Variants in SGCA observed in about 807,000 individuals in gnomAD.
SGCA encodes the protein sarcoglycan alpha, also known as alpha-sarcoglycan.
A neutral mutation model predicts 38.1 loss-of-function variants in SGCA; 34 were observed. That is an observed-to-expected ratio of 0.89 (90% CI 0.68 to 1.19). SGCA has a LOEUF of 1.19. Among genes scored for constraint, SGCA ranks in the 50% most tolerant of loss-of-function variants. The pLI is 0.00. For missense variants in SGCA, 476 were observed against 524.9 expected, an observed-to-expected ratio of 0.91 and a Z score of 0.91; for synonymous variants, 209 against 214.6, an observed-to-expected ratio of 0.97 and a Z score of 0.23.
chr17:50,172,419 A>C, intron 8 of SGCA: 1 of 414,018 alleles, frequency 2.4e-6, no homozygotes, highest in Non-Finnish European at 5.0e-6. Flanking sequence ...TGGGCCAGAC[A>C]GCGGGCCTGC....
rs1567737029 is a variant in SGCA, at chr17:50,166,018, CG to C, written c.-20del. On this transcript the variant is annotated 5_prime_UTR_variant, in exon 1 of 10. Transcript: ENST00000262018. ...CCTGCCCCCTGTCTCTGTCACTCAC[CG>C]GGCGGGCCAGGCCGGGCAGCCATGG... The C allele has an allele frequency of 1.2e-6, 2 of 1,609,794 alleles. No homozygotes were observed. The highest frequency in any genetic ancestry group is 1.1e-5 in the South Asian group (1 of 90,972).
Position 50,169,142 on chromosome 17 carries a change from T to A in SGCA, c.635T>A (p.Met212Lys), listed in dbSNP as rs2144498202. 6.2e-7 allele frequency: 1 copy of A among 1,614,000 alleles called. No homozygotes were observed. Among genetic ancestry groups the A allele is most frequent in the Non-Finnish European group, 8.5e-7 (1 of 1,179,990 alleles). ...SASPFSTCLK[M>K]VASPDSHARC... ...TCACCTTTTTCTACTTGCCTGAAGA[T>A]GGTGGCATCCCCCGATAGCCACGCC... The change falls in exon 6 of 10, where the codon ATG becomes AAG. Residue 212 changes from methionine (M) to lysine (K), a missense_variant. Met to Lys is a moderately conservative substitution (Grantham distance 95). Coordinates refer to ENST00000262018, the MANE Select transcript of SGCA (RefSeq NM_000023.4).
At chr17:50,169,020 CA>C (rs1433189533) in intron 5 of SGCA, 71 bp from the exon 6 acceptor site, 1 of 1,443,574 alleles carries the variant, frequency 6.9e-7, no homozygotes, top group Non-Finnish European at 9.7e-7. Flanking sequence ...AAAGTTTCAA[CA>C]ACCCCTGGCA....
In SGCA at chr17:50,169,336, T is replaced by C. The variant is rs551873219; in HGVS notation, c.747+82T>C. ...CCCTTCCCTCCCATGCTGCTTCCTA[T>C]CTCCGTCTCTCTGATTGCTCCAGTC... On this transcript the variant is annotated intron_variant, in intron 6 of 9. Coordinates refer to ENST00000262018, the MANE Select transcript of SGCA (RefSeq NM_000023.4). 4 of 1,211,892 alleles carry C rather than the reference T, an allele frequency of 3.3e-6. No individual in the cohort carries two copies. The African/African-American group carries it at 6.0e-5, about 18-fold the overall frequency. The allele number at this position is 1,211,892 out of a possible 1,614,324, so 75.1% of individuals were successfully genotyped here.
chr17:50,173,845 C>T (rs1485703795), intron 8 of SGCA, among the ~76,000 whole-genome samples: 1 of 152,174 alleles, frequency 6.6e-6, no homozygotes, highest in Admixed American at 6.6e-5. Flanking sequence ...GGAGCATGGC[C>T]CATTCAGCGT....
At chr17:50,173,935 T>C (rs1202636681) in intron 8 of SGCA, among the ~76,000 whole-genome samples, 1 of 152,086 alleles carries the variant, frequency 6.6e-6, no homozygotes, top group Non-Finnish European at 1.5e-5. Flanking sequence ...TGAACATGGG[T>C]GGGGATCACT....
At chr17:50,171,621 G>C (rs1199518469) in intron 8 of SGCA, 12 of 456,704 alleles carry the variant, frequency 2.6e-5, no homozygotes, top group Non-Finnish European at 4.8e-5. Flanking sequence ...GCTGCCCAGA[G>C]CGCCACCTCT....
At chr17:50,168,618 C>G in intron 5 of SGCA, 46 bp downstream of exon 5, 1 of 1,510,882 alleles carries the variant, frequency 6.6e-7, no homozygotes, top group Non-Finnish European at 9.0e-7. Flanking sequence ...GAGGATGCAG[C>G]TTGTGGCGGG....
chr17:50,169,246 G>A lies in SGCA; in HGVS notation c.739G>A (p.Val247Met), dbSNP rs143570936. The A allele has an allele frequency of 2.1e-4, 341 of 1,612,294 alleles. No individual in the cohort carries two copies. Among genetic ancestry groups the A allele is most frequent in the Middle Eastern group, 4.9e-4 (3 of 6,074 alleles). Residue 247 changes from valine to methionine, a missense_variant, in exon 6 of 10, where the codon GTG becomes ATG. Transcript: ENST00000262018. ...CCACTTCCGCGTTGACTGGTGCAAT[G>A]TGACCCTGGTGAGGAGGGACCCTGG... ...APHFRVDWCN[V>M]TLVDKSVPEP...
Sources: allele counts gnomAD v4.1 joint callset (sites outside exome capture counted in the v4.1 genomes callset), GRCh38; gene constraint gnomAD v4.1.1; transcripts MANE v1.5; gene names NCBI Gene and HGNC (gene_info 2026-07-23, HGNC 2026-07-21).